LAMA1: variants seen among roughly 807,000 people sequenced by gnomAD.
LAMA1 encodes the protein laminin subunit alpha-1.
Under a neutral mutation model 348.7 loss-of-function variants are expected in LAMA1, and 219 were observed. The observed-to-expected ratio is 0.63, with a 90% CI of 0.56 to 0.70. The LOEUF (loss-of-function observed/expected upper bound fraction) is 0.70. LAMA1 is among the 30% of genes least tolerant of loss of function. The pLI, the probability that LAMA1 is intolerant of heterozygous loss-of-function variation, is 0.00. For synonymous variants in LAMA1, 1,487 were observed against 1,491.0 expected, an observed-to-expected ratio of 1.00 and a Z score of 0.06; for missense variants, 3,744 against 3,888.0, an observed-to-expected ratio of 0.96 and a Z score of 0.99.
chr18:7,075,363 C>T (rs980690156), intron 3 of LAMA1, among the ~76,000 whole-genome samples: 3 of 152,142 alleles, frequency 2.0e-5, no homozygotes, highest in South Asian at 2.1e-4. Flanking sequence ...TGGCTCACAC[C>T]TGTGATCCCG....
In LAMA1 at chr18:7,045,332, T is replaced by C. The variant is rs1300053524; in HGVS notation, c.859-493A>G. Among the ~76,000 whole-genome samples the C allele has an allele frequency of 4.6e-5, 7 of 152,044 alleles. No individual in the cohort carries two copies. The East Asian group carries it at 1.4e-3, about 30-fold the overall frequency. ...AAAAATACAAAAAATTAGCTGGGCA[T>C]GGTGGCACGTGCCTGTAATCCCAGC... On this transcript the variant is annotated intron_variant, in intron 6 of 62. Coordinates refer to ENST00000389658, the MANE Select transcript of LAMA1 (RefSeq NM_005559.4).
intron 1 of LAMA1, among the ~76,000 whole-genome samples, chr18:7,099,625 G>C (rs887990720): frequency 3.3e-5 from 5 of 151,696 alleles, no homozygotes; most frequent in Non-Finnish European, 7.4e-5. Flanking sequence ...ATTAGGCAAA[G>C]AAATTCTCAA....
At position 7,010,776 on chromosome 18, in the gene LAMA1, T is replaced by C. The variant is rs553264690; in HGVS notation, c.3688-391A>G. Among the ~76,000 whole-genome samples the C allele has an allele frequency of 8.5e-5, 13 of 152,322 alleles. 1 individual carries two copies. In the East Asian group the frequency reaches 2.5e-3, roughly 29 times the overall value. ...TTTATATAAACAAAAATCCAAGTGA[T>C]GCCTTTCATGATCTTTTATAGTAGT... On this transcript the variant is annotated intron_variant, in intron 25 of 62. Coordinates refer to ENST00000389658, the MANE Select transcript of LAMA1 (RefSeq NM_005559.4).
At chr18:6,958,448 A>T in intron 55 of LAMA1, 29 bp downstream of exon 55, 4 of 1,611,338 alleles carry the variant, frequency 2.5e-6, no homozygotes, top group Non-Finnish European at 3.4e-6. Flanking sequence ...CAGAAAGTGC[A>T]AGAACATGCA....
At chr18:7,109,162 C>G (rs1477897225) in intron 1 of LAMA1, among the ~76,000 whole-genome samples, 1 of 152,242 alleles carries the variant, frequency 6.6e-6, no homozygotes, top group African/African-American at 2.4e-5. Context: ...TGAAGGACCA[C>G]ATACCCAGAG....
chr18:6,971,479 T>G (rs2057658041), intron 48 of LAMA1, among the ~76,000 whole-genome samples: 1 of 152,136 alleles, frequency 6.6e-6, no homozygotes, highest in African/African-American at 2.4e-5. Flanking sequence ...CAGAAGGTTG[T>G]TTGAGAAATT....
chr18:6,962,802 A>G (rs1396946386), intron 51 of LAMA1, among the ~76,000 whole-genome samples: 2 of 152,220 alleles, frequency 1.3e-5, no homozygotes, highest in Non-Finnish European at 2.9e-5. Context: ...TTGCATATCC[A>G]TGAACTTTGT....
rs1469453495 is a variant in LAMA1, at chr18:6,965,387, T to C, written c.7096A>G (p.Met2366Val). The C allele has an allele frequency of 3.1e-6, 5 of 1,614,188 alleles. No homozygotes were observed. The highest frequency in any genetic ancestry group is 1.1e-5 in the South Asian group (1 of 91,082). ...ATGGGTCCTGAACCCAGGTCAGTCA[T>C]AACCTTCACTCTGCCACGAAACAGC... is the stretch of plus-strand genomic sequence containing the variant. ...IELFRGRVKV[M>V]TDLGSGPITL... The change falls in exon 50 of 63, where the codon ATG becomes GTG. Residue 2366 changes from methionine (M) to valine (V), a missense_variant. Met to Val is a conservative substitution (Grantham distance 21, BLOSUM62 1). Transcript: ENST00000389658.
Position 6,973,133 on chromosome 18 carries a change from G to T in LAMA1, c.6698C>A (p.Ser2233Tyr), listed in dbSNP as rs750261125. The T allele has an allele frequency of 5.0e-6, 8 of 1,613,932 alleles. No homozygotes were observed. Among genetic ancestry groups the T allele is most frequent in the Non-Finnish European group, 6.8e-6 (8 of 1,179,786 alleles). ...ATCCAGAACATTAGCTGTCCCAGGG[G>T]ATTTACTTGTTTTTGTTGGTGACTT... ...NQKSPTKTSK[S>Y]PGTANVLDVN... Residue 2233 changes from serine to tyrosine, a missense_variant, in exon 47 of 63, where the codon TCC becomes TAC. By Grantham distance (144) the Ser-to-Tyr change is moderately radical. Transcript: ENST00000389658.
At position 7,066,900 on chromosome 18, in the gene LAMA1, T is replaced by A. The variant is rs1295975815; in HGVS notation, c.345+13075A>T. On this transcript the variant is annotated intron_variant, in intron 3 of 62. Transcript: ENST00000389658. ...ATTTTTTGGAATCGACACTAAAAAA[T>A]AAACTACCGTAACAGCCATAAAATA... Among the ~76,000 whole-genome samples the A allele has an allele frequency of 2.0e-5, 3 of 152,204 alleles. No homozygotes were observed. In the East Asian group the frequency reaches 5.8e-4, roughly 29 times the overall value.
rs112156370 is a variant in LAMA1, at chr18:7,039,352, G to A, written c.1423-402C>T. Among the ~76,000 whole-genome samples the A allele has an allele frequency of 2.0e-3, 298 of 152,172 alleles. 1 individual carries two copies. Among genetic ancestry groups the A allele is most frequent in the African/African-American group, 6.7e-3 (279 of 41,518 alleles). On this transcript the variant is annotated intron_variant, in intron 10 of 62. Coordinates refer to ENST00000389658, the MANE Select transcript of LAMA1 (RefSeq NM_005559.4). The stretch of plus-strand genomic sequence containing the variant: ...TGCACAGGTGGGAATAAGCACATAG[G>A]TACAATGGAATGTCCTATGAATTAT...
intron 31 of LAMA1, 113 bp downstream of exon 31, chr18:6,999,798 C>T: frequency 4.1e-6 from 5 of 1,212,220 alleles, no homozygotes; most frequent in Non-Finnish European, 6.1e-6. Context: ...CAATCAAGCA[C>T]ATCCAAACTG....
intron 1 of LAMA1, among the ~76,000 whole-genome samples, chr18:7,085,613 T>C (rs1598312200): frequency 6.6e-6 from 1 of 151,724 alleles, no homozygotes; most frequent in African/African-American, 2.4e-5. Context: ...AGAGATGGGG[T>C]TTCACCACGT....
chr18:6,967,643 G>A (rs191519007), intron 48 of LAMA1, among the ~76,000 whole-genome samples: 182 of 152,300 alleles, frequency 1.2e-3, no homozygotes, highest in African/African-American at 4.2e-3. Flanking sequence ...TCCTCGATGG[G>A]CCGGTCTTCA....
Position 6,999,496 on chromosome 18 carries a change from G to A in LAMA1, c.4612C>T (p.Arg1538Trp), listed in dbSNP as rs149937004. The A allele has an allele frequency of 1.9e-4, 300 of 1,614,070 alleles. No individual in the cohort carries two copies. Among genetic ancestry groups the A allele is most frequent in the African/African-American group, 6.8e-4 (51 of 75,028 alleles). ...TGCCTCGGTTCACACTCATCGCACC[G>A]GAGCCCCGAGGCCCCCAGCCTGCAA... is the stretch of plus-strand genomic sequence containing the variant. ...CVCRLGASGL[R>W]CDECEPRHIL... is the part of the protein sequence containing the mutation. Residue 1538 changes from arginine (R) to tryptophan (W), a missense_variant, in exon 32 of 63, where the codon CGG (arginine) becomes TGG (tryptophan). Around this residue, in one of 3 missense-constraint regions of LAMA1, gnomAD observed 1,983 missense variants for 1,934.3 expected, o/e 1.03. Coordinates refer to ENST00000389658, the MANE Select transcript of LAMA1 (RefSeq NM_005559.4).
intron 1 of LAMA1, 128 bp downstream of exon 1, chr18:7,117,532 C>T (rs2058362637): frequency 1.1e-6 from 1 of 935,970 alleles, no homozygotes; most frequent in Non-Finnish European, 1.6e-6. Flanking sequence ...GGCCGAGACA[C>T]CCACTCCGAG....
At chr18:7,030,251 T>C (rs2057962747) in intron 16 of LAMA1, among the ~76,000 whole-genome samples, 1 of 152,144 alleles carries the variant, frequency 6.6e-6, no homozygotes, top group African/African-American at 2.4e-5. Flanking sequence ...TGGTCAAAAA[T>C]GTGTAACCTC....
chr18:6,992,803 G>T, intron 35 of LAMA1, 83 bp from the exon 36 acceptor site: 1 of 1,190,356 alleles, frequency 8.4e-7, no homozygotes, highest in Non-Finnish European at 1.2e-6. Flanking sequence ...CTTCTCTGCT[G>T]AGGACTGCTC....
chr18:7,064,786 C>A lies in LAMA1; in HGVS notation c.346-13850G>T, dbSNP rs117565101. Among the ~76,000 whole-genome samples the A allele has an allele frequency of 8.1e-4, 124 of 152,248 alleles. 1 individual carries two copies. The East Asian group carries it at 0.02, about 24-fold the overall frequency. ...TCATATGAAGAACACAGATAAATAT[C>A]TTCTGATTACATACCATTAAATAGT... On this transcript the variant is annotated intron_variant, in intron 3 of 62. Transcript: ENST00000389658.
Sources: gnomAD v4.1 joint callset for allele counts (sites outside exome capture counted in the v4.1 genomes callset) on GRCh38, gnomAD v4.1.1 for gene constraint, gnomAD v4.1.1 regional missense constraint, MANE v1.5 for transcripts, NCBI Gene and HGNC (gene_info 2026-07-23, HGNC 2026-07-21) for gene names.